MON2: variants seen among roughly 807,000 people sequenced by gnomAD.
MON2 encodes the protein MON2 regulator of endosome-to-Golgi trafficking.
Under a neutral mutation model 208.6 loss-of-function variants are expected in MON2, and 84 were observed. The ratio of observed to expected loss-of-function variants is 0.40; its 90% CI spans 0.34 to 0.48. The LOEUF (loss-of-function observed/expected upper bound fraction) is 0.48. MON2 is among the 20% of genes least tolerant of loss of function. The probability of loss-of-function intolerance (pLI) is 0.59; values close to 1 mark genes in which losing one functional copy is unlikely to be tolerated. For synonymous variants in MON2, 660 were observed against 694.0 expected, an observed-to-expected ratio of 0.95 and a Z score of 0.77; for missense variants, 1,611 against 2,015.4, an observed-to-expected ratio of 0.80 and a Z score of 3.84.
At chr12:62,563,807 T>TA (rs879854511) in intron 26 of MON2, among the ~76,000 whole-genome samples, 2 of 152,144 alleles carry the variant, frequency 1.3e-5, no homozygotes, top group Non-Finnish European at 2.9e-5. Context: ...TTATAATACT[T>TA]AGTTTTCTCA....
chr12:62,499,593 G>T (rs887853104), intron 5 of MON2, among the ~76,000 whole-genome samples: 2 of 152,012 alleles, frequency 1.3e-5, no homozygotes, highest in African/African-American at 4.8e-5. Flanking sequence ...TTAATTTTTG[G>T]CTGGGTGCGG....
chr12:62,552,426 TTAATA>T (rs1393099901), intron 23 of MON2, among the ~76,000 whole-genome samples: 1 of 151,790 alleles, frequency 6.6e-6, no homozygotes, highest in Non-Finnish European at 1.5e-5. Flanking sequence ...ATAATTATCA[TTAATA>T]TAAGATATGT....
intron 2 of MON2, chr12:62,490,026 T>G: frequency 8.3e-7 from 1 of 1,210,700 alleles, no homozygotes; most frequent in South Asian, 1.3e-5. Context: ...GTTTAATTCT[T>G]TTTTTCCAGG....
At chr12:62,571,258 CT>C in intron 29 of MON2, 133 bp from the exon 30 acceptor site, 1 of 680,324 alleles carries the variant, frequency 1.5e-6, no homozygotes, top group South Asian at 3.0e-5. Context: ...AAATAACATC[CT>C]TTTTAAATGA....
At chr12:62,537,409 G>T in intron 15 of MON2, 146 bp downstream of exon 15, 1 of 682,568 alleles carries the variant, frequency 1.5e-6, no homozygotes, top group Non-Finnish European at 2.4e-6. Context: ...ACTAGTTTAT[G>T]CAGTTGACAT....
chr12:62,522,506 G>C (rs572548897), intron 8 of MON2, among the ~76,000 whole-genome samples: 1 of 152,200 alleles, frequency 6.6e-6, no homozygotes, highest in East Asian at 1.9e-4. Context: ...CAGTAACTTT[G>C]ATTCATCTTA....
rs754751494 is a variant in MON2, at chr12:62,467,251, A to C, written c.44A>C (p.Glu15Ala). Reference protein sequence around the residue: ...SSPEAVKKLLENMQSDLRALS... With the variant: ...SSPEAVKKLLANMQSDLRALS... ...CCCGAGGCGGTGAAGAAGCTGCTGG[A>C]GAATATGCAGAGCGACTTGCGCGCC... is the stretch of plus-strand genomic sequence containing the variant. The change falls in exon 1 of 35, where the codon GAG (glutamate) becomes GCG (alanine). Residue 15 changes from glutamate to alanine, a missense_variant. Coordinates refer to ENST00000393630, the MANE Select transcript of MON2 (RefSeq NM_015026.3). The C allele has an allele frequency of 6.2e-7, 1 of 1,613,960 alleles. No individual in the cohort carries two copies. The highest frequency in any genetic ancestry group is 8.5e-7 in the Non-Finnish European group (1 of 1,180,028).
chr12:62,571,689 G>T (rs1373498231), intron 30 of MON2, 107 bp downstream of exon 30: 1 of 935,378 alleles, frequency 1.1e-6, no homozygotes, highest in Non-Finnish European at 1.5e-6. Context: ...GATTATAAAG[G>T]TTGCTAGATT....
In MON2 at chr12:62,583,975, C is replaced by CAA. The variant is rs942616967; in HGVS notation, c.4700-1308_4700-1307dup. ...GACCCTGTCTCAAAAAAAAAAAAAACAAAAAAAAAAAACAGACAGTGGAAT... is the reference window on the plus strand; with the variant it reads ...GACCCTGTCTCAAAAAAAAAAAAAACAAAAAAAAAAAAAACAGACAGTGGAAT... On this transcript the variant is annotated intron_variant, in intron 32 of 34. Transcript: ENST00000393630. 2.9e-3 allele frequency among the ~76,000 whole-genome samples: 345 copies of CAA among 119,290 alleles called. 1 individual carries two copies. The highest frequency in any genetic ancestry group is 9.7e-3 in the African/African-American group (314 of 32,350). The allele number at this position is 119,290 out of a possible 152,430, so 78.3% of individuals were successfully genotyped here.
chr12:62,533,289 A>T (rs1469114631), intron 12 of MON2, among the ~76,000 whole-genome samples: 2 of 152,194 alleles, frequency 1.3e-5, no homozygotes, highest in African/African-American at 4.8e-5. Flanking sequence ...CACTTCTATG[A>T]GTTGGTTAAT....
chr12:62,505,132 A>G (rs894604636), intron 7 of MON2, among the ~76,000 whole-genome samples: 3 of 152,246 alleles, frequency 2.0e-5, no homozygotes, highest in Admixed American at 1.3e-4. Flanking sequence ...TGAAAAAGGC[A>G]GTCTCAAAGA....
chr12:62,517,390 T>TTTTTTTTAAAATAAAA (rs1480434174), intron 8 of MON2, among the ~76,000 whole-genome samples: 2 of 151,962 alleles, frequency 1.3e-5, no homozygotes, highest in Non-Finnish European at 2.9e-5. Context: ...CATCATCATC[T>TTTTTTTTAAAATAAAA]TTTTTTTAAA....
chr12:62,538,132 G>C lies in MON2; in HGVS notation c.2155G>C (p.Gly719Arg), dbSNP rs765495676. ...VWILGLKPSS[G>R]GALKPGRAVE... ...GATTCTGGGATTAAAGCCTAGTAGT[G>C]GCGGTGCCTTGAAACCTGGGAGAGC... The change falls in exon 17 of 35, where the codon GGC becomes CGC. Residue 719 changes from glycine (G) to arginine (R), a missense_variant. Gly to Arg is a moderately radical substitution (Grantham distance 125, BLOSUM62 -2). Coordinates refer to ENST00000393630, the MANE Select transcript of MON2 (RefSeq NM_015026.3). The C allele has an allele frequency of 4.3e-6, 7 of 1,613,528 alleles. No homozygotes were observed. The African/African-American group carries it at 8.0e-5, about 18-fold the overall frequency.
At chr12:62,557,162 G>A (rs534593083) in intron 25 of MON2, among the ~76,000 whole-genome samples, 2 of 152,206 alleles carry the variant, frequency 1.3e-5, no homozygotes, top group South Asian at 4.1e-4. Context: ...GATTTGACAT[G>A]ATCAAATATG....
chr12:62,548,664 A>T (rs770019403), intron 22 of MON2, among the ~76,000 whole-genome samples: 1 of 152,184 alleles, frequency 6.6e-6, no homozygotes, highest in Non-Finnish European at 1.5e-5. Flanking sequence ...CTCCCAACCT[A>T]TAATGTGGTG....
At chr12:62,557,430 C>A (rs1312263025) in intron 25 of MON2, among the ~76,000 whole-genome samples, 3 of 152,168 alleles carry the variant, frequency 2.0e-5, no homozygotes, top group Non-Finnish European at 2.9e-5. Context: ...ACACATCTTA[C>A]AATGCAGCCT....
intron 15 of MON2, 75 bp downstream of exon 15, chr12:62,537,338 A>C: frequency 9.8e-7 from 1 of 1,016,168 alleles, no homozygotes; most frequent in Non-Finnish European, 1.5e-6. Flanking sequence ...TGTGTTTGCC[A>C]AAATGTGTCA....
chr12:62,515,874 T>TA (rs1159644331), intron 8 of MON2, among the ~76,000 whole-genome samples: 1 of 152,178 alleles, frequency 6.6e-6, no homozygotes, highest in Non-Finnish European at 1.5e-5. Context: ...CAGTTGATAC[T>TA]ACTCAACTGT....
intron 23 of MON2, among the ~76,000 whole-genome samples, chr12:62,550,144 A>G (rs2073676940): frequency 6.6e-6 from 1 of 152,218 alleles, no homozygotes; most frequent in Non-Finnish European, 1.5e-5. Context: ...TTAGCCCCTG[A>G]CAAGAAAATC....
Sources: allele counts gnomAD v4.1 joint callset (sites outside exome capture counted in the v4.1 genomes callset), GRCh38; gene constraint gnomAD v4.1.1; transcripts MANE v1.5; gene names NCBI Gene and HGNC (gene_info 2026-07-23, HGNC 2026-07-21).